Variants in RANBP2 observed in about 807,000 individuals in gnomAD.
RANBP2 encodes the protein RAN binding protein 2, also known as E3 SUMO-protein ligase RanBP2.
Under a neutral mutation model 303.6 loss-of-function variants are expected in RANBP2, and 57 were observed. The ratio of observed to expected loss-of-function variants is 0.19; its 90% CI spans 0.15 to 0.23. RANBP2 has a LOEUF of 0.23. Among genes scored for constraint, RANBP2 ranks in the 10% least tolerant of loss-of-function variants. The pLI is 1.00. For synonymous variants in RANBP2, 1,167 were observed against 1,301.5 expected (o/e 0.90, Z 2.23); for missense variants, 3,138 against 3,780.8 (o/e 0.83, Z 4.46).
At chr2:109,695,935 C>T in the RANBP2 span, among the ~76,000 whole-genome samples, 1 of 151,812 alleles carries the variant, frequency 6.6e-6, no homozygotes, top group Non-Finnish European at 1.5e-5. Flanking sequence ...CTTTTCTTTT[C>T]TCTTCCCTCT....
chr2:109,717,292 C>T, the RANBP2 span, among the ~76,000 whole-genome samples: 3 of 91,622 alleles, frequency 3.3e-5, no homozygotes, highest in Non-Finnish European at 7.7e-5. Flanking sequence ...AAAAAAAAAA[C>T]CCAGTTCCAC....
At chr2:109,002,230 G>A in the RANBP2 span, among the ~76,000 whole-genome samples, 1 of 152,194 alleles carries the variant, frequency 6.6e-6, no homozygotes, top group Admixed American at 6.5e-5. Flanking sequence ...CAGGTTTCTG[G>A]CCCTGGCCCT....
At chr2:108,854,009 TAA>T in the RANBP2 span, among the ~76,000 whole-genome samples, 1 of 98,672 alleles carries the variant, frequency 1.0e-5, no homozygotes, top group Non-Finnish European at 2.0e-5. Flanking sequence ...ATATTATATA[TAA>T]TATATAATAA....
At chr2:108,987,581 A>C in the RANBP2 span, among the ~76,000 whole-genome samples, 1 of 152,248 alleles carries the variant, frequency 6.6e-6, no homozygotes, top group Non-Finnish European at 1.5e-5. Context: ...CAAGCATTTC[A>C]GGGAAAGTGT....
chr2:108,917,783 C>G, the RANBP2 span, among the ~76,000 whole-genome samples: 6 of 152,088 alleles, frequency 3.9e-5, no homozygotes, highest in African/African-American at 1.4e-4. Flanking sequence ...CCCACAAGAA[C>G]AGGTGAGCAG....
At chr2:108,751,034 T>TA (rs1257083901) in intron 9 of RANBP2, among the ~76,000 whole-genome samples, 4 of 152,182 alleles carry the variant, frequency 2.6e-5, no homozygotes, top group Non-Finnish European at 4.4e-5. Flanking sequence ...AAGATGGACT[T>TA]AAACATTCTT....
At chr2:109,293,585 A>C in the RANBP2 span, among the ~76,000 whole-genome samples, 1 of 152,226 alleles carries the variant, frequency 6.6e-6, no homozygotes, top group Non-Finnish European at 1.5e-5. Context: ...GCCCATGCCA[A>C]CCTGGGAAGC....
chr2:108,880,763 C>A, the RANBP2 span, among the ~76,000 whole-genome samples: 1 of 152,272 alleles, frequency 6.6e-6, no homozygotes, highest in African/African-American at 2.4e-5. Flanking sequence ...AAAAAAGACT[C>A]CTCTGAAAAC....
chr2:109,161,069 T>C, the RANBP2 span, among the ~76,000 whole-genome samples: 1 of 152,114 alleles, frequency 6.6e-6, no homozygotes, highest in Non-Finnish European at 1.5e-5. Flanking sequence ...AGGGTGCTTG[T>C]GATCACAAGG....
chr2:109,763,990 C>G, the RANBP2 span, among the ~76,000 whole-genome samples: 22 of 144,636 alleles, frequency 1.5e-4, 1 homozygote, highest in Non-Finnish European at 2.7e-4. Flanking sequence ...TAATTCACAA[C>G]TACCTCCTTT....
the RANBP2 span, chr2:109,347,655 T>A: frequency 6.2e-7 from 1 of 1,611,030 alleles, no homozygotes; most frequent in South Asian, 1.1e-5. Flanking sequence ...GGTGACCACA[T>A]GCTGTCTGTT....
chr2:109,371,741 G>T, the RANBP2 span: 7 of 1,469,744 alleles, frequency 4.8e-6, no homozygotes, highest in African/African-American at 9.7e-5. Flanking sequence ...TTTCACTACA[G>T]TGGGGTCACC....
the RANBP2 span, among the ~76,000 whole-genome samples, chr2:108,865,606 C>T: frequency 6.6e-6 from 1 of 152,170 alleles, no homozygotes; most frequent in South Asian, 2.1e-4. Context: ...TCATGCCAGT[C>T]CTATCCACTT....
chr2:108,892,520 A>G, the RANBP2 span, among the ~76,000 whole-genome samples: 3 of 152,116 alleles, frequency 2.0e-5, no homozygotes, highest in Admixed American at 6.5e-5. Context: ...ACAGCATGCA[A>G]TCTACCCAAG....
chr2:109,699,338 G>A, the RANBP2 span, among the ~76,000 whole-genome samples: 15 of 152,216 alleles, frequency 9.9e-5, no homozygotes, highest in East Asian at 1.9e-3. Context: ...TGAACAATGC[G>A]GGGGCTAGGG....
the RANBP2 span, among the ~76,000 whole-genome samples, chr2:108,831,089 C>G: frequency 6.6e-6 from 1 of 151,954 alleles, no homozygotes; most frequent in Non-Finnish European, 1.5e-5. Context: ...GCACCAGAAT[C>G]GCTTAAACCC....
the RANBP2 span, among the ~76,000 whole-genome samples, chr2:109,663,220 A>T: frequency 6.6e-6 from 1 of 152,290 alleles, no homozygotes; most frequent in African/African-American, 2.4e-5. Context: ...CTCAGCTTAA[A>T]ACCTCCTTCA....
At chr2:109,088,050 G>T in the RANBP2 span, among the ~76,000 whole-genome samples, 1 of 152,256 alleles carries the variant, frequency 6.6e-6, no homozygotes, top group East Asian at 1.9e-4. Flanking sequence ...GGATCATCAA[G>T]TCAGGAGCTC....
chr2:109,012,637 A>G, the RANBP2 span, among the ~76,000 whole-genome samples: 75 of 152,230 alleles, frequency 4.9e-4, 1 homozygote, highest in Admixed American at 2.7e-3. Context: ...TCATTCGGCC[A>G]GGCGCGGTGG....
Sources: allele counts gnomAD v4.1 joint callset (sites outside exome capture counted in the v4.1 genomes callset), GRCh38; gene constraint gnomAD v4.1.1; transcripts MANE v1.5; gene names NCBI Gene and HGNC (gene_info 2026-07-23, HGNC 2026-07-21).